LRP1B: variants seen among roughly 807,000 people sequenced by gnomAD.
LRP1B encodes low-density lipoprotein receptor-related protein 1B.
LRP1B carries 217 observed loss-of-function variants against 556.6 expected under a neutral mutation model. The observed-to-expected ratio is 0.39, with a 90% CI of 0.35 to 0.44. LRP1B has a LOEUF of 0.44. Ranked by LOEUF, LRP1B falls within the 20% of genes least tolerant of loss-of-function variation. LRP1B has a pLI of 1.00. For synonymous variants in LRP1B, 2,047 were observed against 1,865.8 expected (o/e 1.10, Z -2.50); for missense variants, 5,053 against 5,620.8 (o/e 0.90, Z 3.23).
intron 37 of LRP1B, among the ~76,000 whole-genome samples, chr2:140,702,992 C>T (rs894590985): frequency 6.6e-6 from 1 of 151,954 alleles, no homozygotes; most frequent in African/African-American, 2.4e-5. Flanking sequence ...TATTTTTTGC[C>T]CCCACTAGAC....
rs144899004 is a variant in LRP1B at position 141,650,816 on chromosome 2, G to T, written c.205+159463C>A. Among the ~76,000 whole-genome samples the T allele has an allele frequency of 2.0e-5, 3 of 152,100 alleles. No homozygotes were observed. In the South Asian group the frequency reaches 6.2e-4, roughly 32 times the overall value. On this transcript the variant is annotated intron_variant, in intron 2 of 90. Coordinates refer to ENST00000389484, the MANE Select transcript of LRP1B (RefSeq NM_018557.3). ...CCTCAATATCTTTTAGATTTGTGCT[G>T]TTTTCCCACTAATCCCGAATTTATC...
intron 35 of LRP1B, among the ~76,000 whole-genome samples, chr2:140,731,764 C>CAAAAAAAAAAAAAAAAAAAAAAAA: frequency 1.7e-5 from 1 of 59,388 alleles, no homozygotes; most frequent in Admixed American, 2.3e-4. Context: ...GAGACTCCGT[C>CAAAAAAAAAAAAAAAAAAAAAAAA]AAAAAAAAAA....
chr2:140,770,404 G>T (rs946325725), intron 34 of LRP1B, among the ~76,000 whole-genome samples: 4 of 151,878 alleles, frequency 2.6e-5, no homozygotes, highest in Non-Finnish European at 4.4e-5. Flanking sequence ...TAGAACTAGA[G>T]ACTGCAAAAC....
At chr2:141,492,289 G>A (rs896879377) in intron 2 of LRP1B, among the ~76,000 whole-genome samples, 1 of 151,784 alleles carries the variant, frequency 6.6e-6, no homozygotes, top group African/African-American at 2.4e-5. Context: ...CACAAAAACT[G>A]GAAAACAAGC....
intron 7 of LRP1B, among the ~76,000 whole-genome samples, chr2:141,135,390 T>G (rs575061057): frequency 6.6e-6 from 1 of 152,076 alleles, no homozygotes. Context: ...GGTGGCATTT[T>G]ATATATAATT....
intron 3 of LRP1B, among the ~76,000 whole-genome samples, chr2:141,375,408 G>A (rs1019478795): frequency 6.6e-5 from 10 of 152,102 alleles, no homozygotes; most frequent in African/African-American, 2.2e-4. Flanking sequence ...CTGGGTGTGT[G>A]GGTGAATTCT....
chr2:140,457,095 T>G (rs1013943356), intron 61 of LRP1B, among the ~76,000 whole-genome samples: 3 of 152,186 alleles, frequency 2.0e-5, no homozygotes, highest in Non-Finnish European at 4.4e-5. Context: ...TTGTCAGTTT[T>G]AAAACCCTAG....
chr2:141,051,805 AT>A (rs1328772524), intron 10 of LRP1B, among the ~76,000 whole-genome samples: 6 of 152,160 alleles, frequency 3.9e-5, no homozygotes, highest in Admixed American at 3.9e-4. Flanking sequence ...TTTTTATTAT[AT>A]CCTTGATATT....
At chr2:141,793,265 A>T (rs1695682747) in intron 2 of LRP1B, among the ~76,000 whole-genome samples, 1 of 151,986 alleles carries the variant, frequency 6.6e-6, no homozygotes, top group African/African-American at 2.4e-5. Context: ...CTAAAAGACC[A>T]TCTGCTTTCA....
chr2:140,577,813 C>T (rs552060696), intron 43 of LRP1B, among the ~76,000 whole-genome samples: 6 of 151,890 alleles, frequency 4.0e-5, no homozygotes, highest in African/African-American at 1.5e-4. Context: ...CAGTTTTTTG[C>T]CTTCAAATTT....
chr2:141,311,556 C>A (rs78736292), intron 3 of LRP1B, among the ~76,000 whole-genome samples: 2 of 152,244 alleles, frequency 1.3e-5, no homozygotes, highest in African/African-American at 4.8e-5. Flanking sequence ...ACCTCAATTT[C>A]ATATGCTGTC....
chr2:141,599,091 C>T (rs1687641726), intron 2 of LRP1B, among the ~76,000 whole-genome samples: 1 of 112,046 alleles, frequency 8.9e-6, no homozygotes, highest in African/African-American at 3.5e-5. Context: ...ACTCTCCTGT[C>T]AAGTGCTCTA....
intron 32 of LRP1B, among the ~76,000 whole-genome samples, chr2:140,790,253 A>T (rs1211704425): frequency 6.6e-6 from 1 of 152,086 alleles, no homozygotes; most frequent in Non-Finnish European, 1.5e-5. Flanking sequence ...ATTCTGGTGG[A>T]AATTCTGGTC....
At chr2:140,255,711 C>A (rs956297679) in intron 86 of LRP1B, among the ~76,000 whole-genome samples, 5 of 152,122 alleles carry the variant, frequency 3.3e-5, no homozygotes, top group African/African-American at 1.2e-4. Context: ...CATAGGAATG[C>A]ACATACATAT....
rs771972917 is a variant in LRP1B at position 140,715,989 on chromosome 2, C to T, written c.6007G>A (p.Val2003Met). The change falls in exon 37 of 91, where the codon GTG becomes ATG. Residue 2003 changes from valine to methionine, a missense_variant. Transcript: ENST00000389484. ...TAAAATTACCCTTTCTCTGGGTGCACAGCTATAGATCTTGGTTGATCCAGG... is the reference window on the plus strand; with the variant it reads ...TAAAATTACCCTTTCTCTGGGTGCATAGCTATAGATCTTGGTTGATCCAGG... ...QGLDQPRSIA[V>M]HPEKGLLFWT... 1.3e-6 allele frequency: 2 copies of T among 1,598,524 alleles called. No individual in the cohort carries two copies. Among genetic ancestry groups the T allele is most frequent in the African/African-American group, 2.7e-5 (2 of 74,480 alleles).
intron 3 of LRP1B, among the ~76,000 whole-genome samples, chr2:141,282,308 G>C (rs1685538905): frequency 6.6e-6 from 1 of 151,962 alleles, no homozygotes; most frequent in Non-Finnish European, 1.5e-5. Flanking sequence ...TTTATATTTT[G>C]TAGAGACAAT....
chr2:141,955,739 C>T lies in LRP1B; in HGVS notation c.83-145338G>A, dbSNP rs112490348. ...ATTGAGAACCACAGCTACTGTTGCC[C>T]GACCTCTTTACAGCTACCATAATTT... On this transcript the variant is annotated intron_variant, in intron 1 of 90. Transcript: ENST00000389484. Among the ~76,000 whole-genome samples, 110 of 152,164 alleles carry T rather than the reference C, an allele frequency of 7.2e-4. 1 individual carries two copies. The highest frequency in any genetic ancestry group is 2.5e-3 in the African/African-American group (104 of 41,528).
chr2:141,648,902 T>C (rs1457710298), intron 2 of LRP1B, among the ~76,000 whole-genome samples: 5 of 152,230 alleles, frequency 3.3e-5, no homozygotes, highest in Non-Finnish European at 1.5e-5. Context: ...CCTGAAATTG[T>C]TTCTTACTCT....
At chr2:140,568,272 T>G (rs1681200525) in intron 43 of LRP1B, among the ~76,000 whole-genome samples, 1 of 149,458 alleles carries the variant, frequency 6.7e-6, no homozygotes, top group Admixed American at 6.7e-5. Context: ...GGATTAGAAT[T>G]TTAATAAAAA....
Sources: allele counts gnomAD v4.1 joint callset (sites outside exome capture counted in the v4.1 genomes callset), GRCh38; gene constraint gnomAD v4.1.1; transcripts MANE v1.5; gene names NCBI Gene and HGNC (gene_info 2026-07-23, HGNC 2026-07-21).